ASTN2: variants seen among roughly 807,000 people sequenced by gnomAD.
ASTN2 encodes astrotactin-2.
ASTN2 carries 54 observed loss-of-function variants against 139.8 expected under a neutral mutation model. The observed-to-expected ratio is 0.39, with a 90% CI of 0.31 to 0.48. The LOEUF (loss-of-function observed/expected upper bound fraction) is 0.48. Ranked by LOEUF, ASTN2 falls within the 20% of genes least tolerant of loss-of-function variation. ASTN2 has a pLI of 0.95. For synonymous variants in ASTN2, 756 were observed against 719.5 expected, an observed-to-expected ratio of 1.05 and a Z score of -0.81; for missense variants, 1,565 against 1,725.1, an observed-to-expected ratio of 0.91 and a Z score of 1.64.
At chr9:117,158,621 C>A (rs541315571) in intron 3 of ASTN2, among the ~76,000 whole-genome samples, 1 of 151,956 alleles carries the variant, frequency 6.6e-6, no homozygotes, top group Non-Finnish European at 1.5e-5. Context: ...TCAGTGAGTG[C>A]ATGGCAGAAG....
At chr9:117,048,127 A>G (rs1013541213) in intron 5 of ASTN2, among the ~76,000 whole-genome samples, 2 of 152,136 alleles carry the variant, frequency 1.3e-5, no homozygotes, top group South Asian at 2.1e-4. Context: ...CAATATCTCT[A>G]TCAACCTGCT....
intron 4 of ASTN2, among the ~76,000 whole-genome samples, chr9:117,127,616 T>C (rs1214032181): frequency 6.6e-6 from 1 of 151,674 alleles, no homozygotes; most frequent in Non-Finnish European, 1.5e-5. Context: ...GGGGTTTCAT[T>C]ACTCAAATTA....
chr9:116,751,422 A>G (rs1829399243), intron 13 of ASTN2, among the ~76,000 whole-genome samples: 1 of 152,176 alleles, frequency 6.6e-6, no homozygotes. Flanking sequence ...CAGTCTCCTG[A>G]TATGTAATGG....
rs1398693133 is a variant in ASTN2 at position 117,298,700 on chromosome 9, GTA to G, written c.443-7189_443-7188del. Among the ~76,000 whole-genome samples, 34 of 79,388 alleles carry G rather than the reference GTA, an allele frequency of 4.3e-4. 1 individual carries two copies. Among genetic ancestry groups the G allele is most frequent in the South Asian group, 3.9e-3 (10 of 2,554 alleles). 52.1% of individuals were successfully genotyped at this position (79,388 alleles called of 152,430 possible). ...TATATATATATATATATGTGCATAT[GTA>G]TGTGTGTGTGTGTGTGTGTGTGTGT... is the stretch of plus-strand genomic sequence containing the variant. On this transcript the variant is annotated intron_variant, in intron 1 of 22. Transcript: ENST00000313400.
At chr9:117,032,490 C>A (rs1838275397) in intron 6 of ASTN2, among the ~76,000 whole-genome samples, 1 of 152,112 alleles carries the variant, frequency 6.6e-6, no homozygotes, top group African/African-American at 2.4e-5. Context: ...GCAGGATGTC[C>A]AAGGAACTAC....
intron 17 of ASTN2, among the ~76,000 whole-genome samples, chr9:116,625,164 C>A (rs1283924044): frequency 2.0e-5 from 3 of 152,258 alleles, no homozygotes; most frequent in Non-Finnish European, 1.5e-5. Context: ...GGCACAGTGG[C>A]TCACACCTGT....
chr9:116,726,693 CT>C (rs1333044985), intron 15 of ASTN2, among the ~76,000 whole-genome samples: 1 of 152,094 alleles, frequency 6.6e-6, no homozygotes. Context: ...CTTCTTGCTG[CT>C]CTATTTCTTA....
chr9:116,855,047 G>T (rs1832704453), intron 11 of ASTN2, among the ~76,000 whole-genome samples: 1 of 151,994 alleles, frequency 6.6e-6, no homozygotes, highest in Admixed American at 6.6e-5. Flanking sequence ...GACTTTAACA[G>T]ATAATGACTT....
Position 116,746,294 on chromosome 9 carries a change from G to T in ASTN2, c.2397-12771C>A, listed in dbSNP as rs1829232275. 4.0e-5 allele frequency among the ~76,000 whole-genome samples: 6 copies of T among 151,674 alleles called. No individual in the cohort carries two copies. In the South Asian group the frequency reaches 1.3e-3, roughly 32 times the overall value. On this transcript the variant is annotated intron_variant, in intron 13 of 22. Transcript: ENST00000313400. ...GTAGAGATGGGGTTTCACTGTGTTG[G>T]TCAGGCTGGTCTCAAACTCCTGATC...
At chr9:116,623,333 T>C (rs552935516) in intron 17 of ASTN2, among the ~76,000 whole-genome samples, 1 of 152,224 alleles carries the variant, frequency 6.6e-6, no homozygotes, top group South Asian at 2.1e-4. Flanking sequence ...CCACATCCAC[T>C]GGCTCTTTCC....
chr9:117,270,424 T>G (rs1214283862), intron 2 of ASTN2, among the ~76,000 whole-genome samples: 1 of 152,152 alleles, frequency 6.6e-6, no homozygotes, highest in Non-Finnish European at 1.5e-5. Context: ...CTCATATAAG[T>G]GGAATCATAA....
intron 19 of ASTN2, among the ~76,000 whole-genome samples, chr9:116,551,651 C>T (rs1366302951): frequency 6.6e-6 from 1 of 152,132 alleles, no homozygotes; most frequent in Non-Finnish European, 1.5e-5. Flanking sequence ...TCCGCTCTGC[C>T]CACTGTCTTT....
intron 10 of ASTN2, among the ~76,000 whole-genome samples, chr9:116,870,929 C>T (rs1458410073): frequency 6.6e-6 from 1 of 152,104 alleles, no homozygotes; most frequent in Non-Finnish European, 1.5e-5. Context: ...TCCTGAGCTA[C>T]CTGGGAAGGA....
At chr9:117,039,436 G>C (rs1198699776) in intron 6 of ASTN2, among the ~76,000 whole-genome samples, 3 of 151,992 alleles carry the variant, frequency 2.0e-5, no homozygotes, top group Admixed American at 2.0e-4. Flanking sequence ...TTGGGGGTTG[G>C]GGAGAAAGGG....
intron 10 of ASTN2, among the ~76,000 whole-genome samples, chr9:116,899,511 G>T (rs148492245): frequency 0.014 from 2,057 of 152,222 alleles, 19 homozygotes; most frequent in Non-Finnish European, 0.019. Flanking sequence ...ATAACAGTGA[G>T]AAAAACCCAA....
chr9:116,444,679 AGAGG>A lies in ASTN2; in HGVS notation c.3498-2130_3498-2127del, dbSNP rs1384465655. Among the ~76,000 whole-genome samples the A allele has an allele frequency of 2.6e-5, 4 of 152,302 alleles. No individual in the cohort carries two copies. In the East Asian group the frequency reaches 7.7e-4, roughly 29 times the overall value. On this transcript the variant is annotated intron_variant, in intron 20 of 22. Coordinates refer to ENST00000313400, the MANE Select transcript of ASTN2 (RefSeq NM_001365068.1). The stretch of plus-strand genomic sequence containing the variant: ...TGGTACAAAGGAAGCAGGGGGTGAC[AGAGG>A]AAGGGGCCCGGTCTTGGAGATGGCC...
At position 117,056,023 on chromosome 9, in the gene ASTN2, T is replaced by C. The variant is rs141814946; in HGVS notation, c.1277-16058A>G. On this transcript the variant is annotated intron_variant, in intron 5 of 22. Coordinates refer to ENST00000313400, the MANE Select transcript of ASTN2 (RefSeq NM_001365068.1). Reference sequence around the variant, plus strand: ...TGGCCCACATGAGAAGAGCTGAGGATGGCCTCTGGCTCACGGCTCTCAAGG... The same window carrying C: ...TGGCCCACATGAGAAGAGCTGAGGACGGCCTCTGGCTCACGGCTCTCAAGG... Among the ~76,000 whole-genome samples the C allele has an allele frequency of 2.2e-3, 337 of 152,320 alleles. 1 individual carries two copies. The highest frequency in any genetic ancestry group is 0.02 in the Middle Eastern group (6 of 294).
chr9:116,537,359 A>G (rs1307541908), intron 19 of ASTN2, among the ~76,000 whole-genome samples: 1 of 152,238 alleles, frequency 6.6e-6, no homozygotes, highest in Admixed American at 6.5e-5. Context: ...ATGGTGGTAC[A>G]AACAGAAATG....
At chr9:116,437,123 G>A (rs1847679516) in intron 22 of ASTN2, 1 of 324,122 alleles carries the variant, frequency 3.1e-6, no homozygotes, top group Non-Finnish European at 6.1e-6. Flanking sequence ...CGAGTTAGTG[G>A]GTGCAGCGCA....
Sources: gnomAD v4.1 joint callset for allele counts (sites outside exome capture counted in the v4.1 genomes callset) on GRCh38, gnomAD v4.1.1 for gene constraint, MANE v1.5 for transcripts, NCBI Gene and HGNC (gene_info 2026-07-23, HGNC 2026-07-21) for gene names.